IRX2: variants seen among roughly 807,000 people sequenced by gnomAD.
IRX2 encodes iroquois-class homeodomain protein IRX-2.
A neutral mutation model predicts 42.9 loss-of-function variants in IRX2; 26 were observed. That is an observed-to-expected ratio of 0.61 (90% CI 0.44 to 0.84). The LOEUF is 0.84. IRX2 is among the 40% of genes least tolerant of loss of function. The pLI is 0.00. For missense variants in IRX2, 782 were observed against 713.9 expected, an observed-to-expected ratio of 1.10 and a Z score of -1.09; for synonymous variants, 424 against 353.9, an observed-to-expected ratio of 1.20 and a Z score of -2.22.
In IRX2 at chr5:2,749,361, C is replaced by T. The variant is rs370868576; in HGVS notation, c.655+21G>A. On this transcript the variant is annotated intron_variant, in intron 2 of 3. Coordinates refer to ENST00000302057, the MANE Select transcript of IRX2 (RefSeq NM_033267.5). Reference sequence around the variant, plus strand: ...GGGAAGAAAGCGCCCCGAGACCTTGCGCCGGCCGCTGCCCGCTCACCTTCG... The same window carrying T: ...GGGAAGAAAGCGCCCCGAGACCTTGTGCCGGCCGCTGCCCGCTCACCTTCG... 26 of 1,571,704 alleles carry T rather than the reference C, an allele frequency of 1.7e-5. No homozygotes were observed. In the African/African-American group the frequency reaches 3.3e-4, roughly 20 times the overall value.
chr5:2,747,444 T>C lies in IRX2; in HGVS notation c.*120A>G. ...AGCTGGACAAGATTGAAATGCTCTG[T>C]CTTCTAACCCCATGACCAGAAGCAA... On this transcript the variant is annotated 3_prime_UTR_variant, in exon 4 of 4. Transcript: ENST00000302057. 1.3e-6 allele frequency: 1 copy of C among 748,900 alleles called. No individual in the cohort carries two copies. The highest frequency in any genetic ancestry group is 1.8e-5 in the South Asian group (1 of 54,948). The allele number at this position is 748,900 out of a possible 1,614,324, so 46.4% of individuals were successfully genotyped here. A position where few individuals can be genotyped will look rare whatever the true frequency, so the allele number is the denominator to read the frequency against.
At chr5:2,745,883 A>G (rs1737648809), downstream of IRX2, 2 of 152,288 alleles carry the variant, frequency 1.3e-5, no homozygotes, top group African/African-American at 4.8e-5. Context: ...AGTTTTAAAA[A>G]TTTACACTAA....
Position 2,747,288 on chromosome 5 carries a change from TAC to T in IRX2, c.*274_*275del, listed in dbSNP as rs113300568. On this transcript the variant is annotated 3_prime_UTR_variant, in exon 4 of 4. Coordinates refer to ENST00000302057, the MANE Select transcript of IRX2 (RefSeq NM_033267.5). Reference sequence around the variant, plus strand: ...GTACTATATATATACATATATATATTACACACACACACACACACATATATATA... The same window carrying T: ...GTACTATATATATACATATATATATTACACACACACACACACATATATATA... 9.4e-3 allele frequency: 2,100 copies of T among 224,228 alleles called. 38 individuals are homozygous for T. The highest frequency in any genetic ancestry group is 0.036 in the African/African-American group (1,562 of 43,910). 13.9% of individuals were successfully genotyped at this position (224,228 alleles called of 1,614,324 possible). A position where few individuals can be genotyped will look rare whatever the true frequency, so the allele number is the denominator to read the frequency against.
chr5:2,743,753 A>ATC (rs3034338), downstream of IRX2, among the ~76,000 whole-genome samples: 21,311 of 152,164 alleles, frequency 0.14, 1,960 homozygotes, highest in African/African-American at 0.26. Flanking sequence ...AGTGAAAGAT[A>ATC]TCTCTCTCTT....
rs1037197794 is a variant in IRX2, at chr5:2,751,404, G to T, written c.10C>A (p.Pro4Thr). MSYPQGYLYQAPGS... is the reference protein window; with the variant it reads MSYTQGYLYQAPGS... ...GGCGCCTGGTACAGGTAGCCCTGCGGGTAGGACATGGTGGGCGCGGGGCGC... is the reference window on the plus strand; with the variant it reads ...GGCGCCTGGTACAGGTAGCCCTGCGTGTAGGACATGGTGGGCGCGGGGCGC... The change falls in exon 1 of 4, where the codon CCG becomes ACG. Residue 4 changes from proline to threonine, a missense_variant. Around this residue, in one of 3 missense-constraint regions of IRX2, gnomAD observed 256 missense variants for 250.0 expected, o/e 1.02. Transcript: ENST00000302057. This position sits in a 1 kb window ranked among gnomAD's most constrained non-coding sequence, Gnocchi z 4.0. The T allele has an allele frequency of 1.7e-5, 24 of 1,380,676 alleles. No homozygotes were observed. The highest frequency in any genetic ancestry group is 2.3e-5 in the Non-Finnish European group (24 of 1,065,308). 85.5% of individuals were successfully genotyped at this position (1,380,676 alleles called of 1,614,324 possible).
intron 2 of IRX2, 35 bp downstream of exon 2, chr5:2,749,347 G>A (rs1737835847): frequency 1.9e-6 from 3 of 1,548,660 alleles, no homozygotes; most frequent in Non-Finnish European, 2.6e-6. Context: ...GGAAGAAAGC[G>A]CCCCGAGACC....
downstream of IRX2, among the ~76,000 whole-genome samples, chr5:2,741,645 A>C (rs960323406): frequency 2.6e-5 from 4 of 152,256 alleles, no homozygotes; most frequent in African/African-American, 9.6e-5. Context: ...TTAATAATTG[A>C]TCAGGAGTCA....
downstream of IRX2, among the ~76,000 whole-genome samples, chr5:2,741,239 G>A (rs1737533032): frequency 6.6e-6 from 1 of 152,266 alleles, no homozygotes. Flanking sequence ...GAGGGAAGAG[G>A]CAAGAACTCC....
the IRX2 span, among the ~76,000 whole-genome samples, chr5:2,737,989 C>T: frequency 2.0e-5 from 3 of 152,358 alleles, no homozygotes; most frequent in African/African-American, 7.2e-5. Flanking sequence ...GCTGACAGGT[C>T]TCCTCCCACT....
chr5:2,749,100 A>T (rs1211176605), intron 2 of IRX2, 48 bp from the exon 3 acceptor site: 1 of 1,575,284 alleles, frequency 6.3e-7, no homozygotes, highest in Non-Finnish European at 8.6e-7. Context: ...CAGCGCAGGC[A>T]CCTGGAGCCC....
chr5:2,741,727 C>T (rs556554094), downstream of IRX2, among the ~76,000 whole-genome samples: 3 of 152,326 alleles, frequency 2.0e-5, no homozygotes, highest in South Asian at 4.1e-4. Context: ...TTTGTTTCTT[C>T]CCTCTGGGTA....
At position 2,751,616 on chromosome 5, in the gene IRX2, C is replaced by A; in HGVS notation, c.-203G>T. On this transcript the variant is annotated 5_prime_UTR_variant, in exon 1 of 4. Transcript: ENST00000302057. The surrounding 1 kb of genome is among the most constrained non-coding windows in gnomAD (Gnocchi z 4.0). ...GGTGGCGGCGGCAGCAGCGCGGAGC[C>A]GGTGGGCGCAGCCGCGCGCCAGGCC... 6.1e-6 allele frequency: 1 copy of A among 163,096 alleles called. No individual in the cohort carries two copies. The highest frequency in any genetic ancestry group is 1.3e-5 in the Non-Finnish European group (1 of 79,952). 10.1% of individuals were successfully genotyped at this position (163,096 alleles called of 1,614,324 possible). A position where few individuals can be genotyped will look rare whatever the true frequency, so the allele number is the denominator to read the frequency against.
chr5:2,744,072 T>TG (rs1737603903), downstream of IRX2, among the ~76,000 whole-genome samples: 1 of 111,010 alleles, frequency 9.0e-6, no homozygotes, highest in Non-Finnish European at 1.9e-5. Flanking sequence ...GAGAATGGAG[T>TG]CGTGTGTGTG....
At position 2,747,310 on chromosome 5, in the gene IRX2, T is replaced by C. The variant is rs1005652527; in HGVS notation, c.*254A>G. On this transcript the variant is annotated 3_prime_UTR_variant, in exon 4 of 4. Coordinates refer to ENST00000302057, the MANE Select transcript of IRX2 (RefSeq NM_033267.5). Reference sequence around the variant, plus strand: ...TATTACACACACACACACACACATATATATATATATTTTTTTTTTCCTTCC... The same window carrying C: ...TATTACACACACACACACACACATACATATATATATTTTTTTTTTCCTTCC... The C allele has an allele frequency of 2.3e-5, 6 of 258,808 alleles. No homozygotes were observed. Among genetic ancestry groups the C allele is most frequent in the African/African-American group, 1.8e-4 (6 of 33,828 alleles). 16.0% of individuals were successfully genotyped at this position (258,808 alleles called of 1,614,324 possible).
rs1288556626 is a variant in IRX2, at chr5:2,746,968, A to C, written c.*596T>G. 1 of 152,302 alleles carries C rather than the reference A, an allele frequency of 6.6e-6. No homozygotes were observed. Among genetic ancestry groups the C allele is most frequent in the African/African-American group, 2.4e-5 (1 of 41,428 alleles). The allele number at this position is 152,302 out of a possible 1,614,324, so 9.4% of individuals were successfully genotyped here. On this transcript the variant is annotated 3_prime_UTR_variant, in exon 4 of 4. Transcript: ENST00000302057. ...AGATACTGTTGTGAGCCCCGGGAGA[A>C]TGTCAGAGTCCTGTCCACTTGGACA...
Position 2,749,059 on chromosome 5 carries a change from G to A in IRX2, c.656-7C>T, listed in dbSNP as rs771129985. On this transcript the variant is annotated splice_polypyrimidine_tract_variant and splice_region_variant and intron_variant, in intron 2 of 3. Coordinates refer to ENST00000302057, the MANE Select transcript of IRX2 (RefSeq NM_033267.5). ...TCCACGTGCAGGCTGATCCCTGTGGGGGCGCGGGCACGGTGGGTGGCACGA... is the reference window on the plus strand; with the variant it reads ...TCCACGTGCAGGCTGATCCCTGTGGAGGCGCGGGCACGGTGGGTGGCACGA... 1.3e-6 allele frequency: 2 copies of A among 1,595,226 alleles called. No homozygotes were observed. Among genetic ancestry groups the A allele is most frequent in the Non-Finnish European group, 1.7e-6 (2 of 1,178,578 alleles).
chr5:2,744,073 C>CGTGTGTGTGT (rs10547927), downstream of IRX2, among the ~76,000 whole-genome samples: 61 of 140,170 alleles, frequency 4.4e-4, 1 homozygote, highest in East Asian at 1.3e-3. Context: ...AGAATGGAGT[C>CGTGTGTGTGT]GTGTGTGTGT....
the IRX2 span, among the ~76,000 whole-genome samples, chr5:2,735,854 C>G: frequency 1.3e-5 from 2 of 152,156 alleles, no homozygotes; most frequent in Non-Finnish European, 2.9e-5. Context: ...GAGATTTGAA[C>G]TCAGAACTCA....
downstream of IRX2, among the ~76,000 whole-genome samples, chr5:2,741,575 G>T (rs1560945453): frequency 6.6e-6 from 1 of 151,330 alleles, no homozygotes; most frequent in Non-Finnish European, 1.5e-5. Context: ...TCAGATAAAT[G>T]AAAAAAAAAT....
Sources: allele counts gnomAD v4.1 joint callset (sites outside exome capture counted in the v4.1 genomes callset), GRCh38; gene constraint gnomAD v4.1.1; regional missense constraint gnomAD v4.1.1; non-coding constraint Gnocchi (gnomAD v3.1); transcripts MANE v1.5; gene names NCBI Gene and HGNC (gene_info 2026-07-23, HGNC 2026-07-21).